The following CCSER1 variants were observed in gnomAD, a reference collection of about 807,000 sequenced individuals.
The protein encoded by CCSER1 is coiled-coil serine rich protein 1.
In CCSER1, 41 loss-of-function variants were observed where a neutral mutation model predicts 82.0. The observed-to-expected ratio is 0.50, with a 90% CI of 0.39 to 0.65. The LOEUF is 0.65. CCSER1 is among the 30% of genes least tolerant of loss of function. The probability of loss-of-function intolerance (pLI) is 0.00; values close to 1 mark genes in which losing one functional copy is unlikely to be tolerated. For synonymous variants in CCSER1, 414 were observed against 383.9 expected (o/e 1.08, Z -0.92); for missense variants, 1,119 against 1,064.2 (o/e 1.05, Z -0.72).
chr4:91,296,619 A>G (rs1391286782), intron 10 of CCSER1, among the ~76,000 whole-genome samples: 1 of 149,196 alleles, frequency 6.7e-6, no homozygotes, highest in Non-Finnish European at 1.5e-5. Context: ...ATATAGGTAT[A>G]TATAGTTGTG....
intron 10 of CCSER1, among the ~76,000 whole-genome samples, chr4:91,174,466 A>T (rs143273683): frequency 0.013 from 2,043 of 152,114 alleles, 30 homozygotes; most frequent in African/African-American, 0.037. Context: ...TTATTTTACT[A>T]TAAGTTCTGG....
At chr4:90,298,668 T>A (rs563912348) in intron 1 of CCSER1, among the ~76,000 whole-genome samples, 1 of 151,534 alleles carries the variant, frequency 6.6e-6, no homozygotes, top group Non-Finnish European at 1.5e-5. Context: ...GCTTTGAATG[T>A]GTCCCAGAGA....
chr4:91,143,500 G>A (rs745701525), intron 10 of CCSER1, among the ~76,000 whole-genome samples: 2 of 151,854 alleles, frequency 1.3e-5, no homozygotes, highest in Non-Finnish European at 2.9e-5. Flanking sequence ...CTCTAATTAG[G>A]ACTTCCAGTA....
intron 4 of CCSER1, among the ~76,000 whole-genome samples, chr4:90,443,132 A>T (rs1041211663): frequency 6.6e-6 from 1 of 152,176 alleles, no homozygotes; most frequent in African/African-American, 2.4e-5. Flanking sequence ...ACAATATAAG[A>T]TTCACTTTTA....
At chr4:91,209,232 A>G (rs1736596417) in intron 10 of CCSER1, among the ~76,000 whole-genome samples, 1 of 151,940 alleles carries the variant, frequency 6.6e-6, no homozygotes, top group Non-Finnish European at 1.5e-5. Context: ...TGCTCTGGCC[A>G]GGACTTCCAA....
intron 10 of CCSER1, among the ~76,000 whole-genome samples, chr4:91,358,070 T>G (rs535645428): frequency 6.6e-6 from 1 of 152,262 alleles, no homozygotes; most frequent in South Asian, 2.1e-4. Flanking sequence ...TTGCTATTAA[T>G]AAGACCTTGT....
intron 10 of CCSER1, among the ~76,000 whole-genome samples, chr4:91,275,197 C>T (rs544700011): frequency 6.6e-6 from 1 of 152,050 alleles, no homozygotes; most frequent in East Asian, 1.9e-4. Context: ...TATCGTTTTT[C>T]AAGAAATATT....
chr4:90,208,623 C>A (rs1015831964), intron 1 of CCSER1, among the ~76,000 whole-genome samples: 2 of 151,998 alleles, frequency 1.3e-5, no homozygotes, highest in African/African-American at 4.8e-5. Flanking sequence ...AAACCCAGGT[C>A]CCTGGTGATG....
intron 3 of CCSER1, among the ~76,000 whole-genome samples, chr4:90,318,278 A>G (rs1023096189): frequency 6.6e-6 from 1 of 152,164 alleles, no homozygotes; most frequent in African/African-American, 2.4e-5. Context: ...TCCTTGACTC[A>G]AGGAATCTTT....
intron 8 of CCSER1, among the ~76,000 whole-genome samples, chr4:90,824,562 G>A (rs559299582): frequency 6.6e-6 from 1 of 151,962 alleles, no homozygotes; most frequent in South Asian, 2.1e-4. Flanking sequence ...TGAATAAAAT[G>A]GTATGCCCTT....
At chr4:91,355,172 T>A (rs979482714) in intron 10 of CCSER1, among the ~76,000 whole-genome samples, 5 of 151,372 alleles carry the variant, frequency 3.3e-5, no homozygotes, top group Non-Finnish European at 7.4e-5. Context: ...TTGACACATC[T>A]CACATAAATA....
chr4:90,708,610 G>A (rs867834979), intron 6 of CCSER1, among the ~76,000 whole-genome samples: 2 of 152,034 alleles, frequency 1.3e-5, no homozygotes, highest in East Asian at 3.9e-4. Context: ...TAGTCACTTA[G>A]GTCAGTCTTT....
intron 3 of CCSER1, among the ~76,000 whole-genome samples, chr4:90,363,044 TAA>T (rs1475615902): frequency 1.3e-5 from 2 of 152,174 alleles, no homozygotes; most frequent in African/African-American, 2.4e-5. Flanking sequence ...TTATCAGTAT[TAA>T]GTCATTAATC....
At chr4:90,848,207 A>T (rs956249894) in intron 8 of CCSER1, among the ~76,000 whole-genome samples, 4 of 152,226 alleles carry the variant, frequency 2.6e-5, no homozygotes, top group Admixed American at 2.6e-4. Flanking sequence ...GCAATGAAGC[A>T]CATATATCAT....
chr4:90,214,772 A>G (rs1465783412), intron 1 of CCSER1, among the ~76,000 whole-genome samples: 1 of 152,202 alleles, frequency 6.6e-6, no homozygotes, highest in Non-Finnish European at 1.5e-5. Flanking sequence ...CTACTTTTAT[A>G]AATGAAGAAG....
rs535198094 is a variant in CCSER1 at position 90,838,590 on chromosome 4, A to G, written c.2094+22745A>G. Among the ~76,000 whole-genome samples the G allele has an allele frequency of 2.2e-4, 34 of 151,614 alleles. No individual in the cohort carries two copies. The South Asian group carries it at 6.3e-3, about 28-fold the overall frequency. ...AAAAATGGCACTCTGATTAAACTGC[A>G]TTACAGCCTGCAGGACACCTTGGGC... On this transcript the variant is annotated intron_variant, in intron 8 of 10. Transcript: ENST00000509176.
intron 5 of CCSER1, among the ~76,000 whole-genome samples, chr4:90,469,907 A>G (rs1764134708): frequency 6.6e-6 from 1 of 152,176 alleles, no homozygotes; most frequent in Non-Finnish European, 1.5e-5. Flanking sequence ...TATTTGTATT[A>G]TATTAGTTGA....
chr4:91,224,665 A>G (rs1738009844), intron 10 of CCSER1, among the ~76,000 whole-genome samples: 1 of 152,122 alleles, frequency 6.6e-6, no homozygotes, highest in Non-Finnish European at 1.5e-5. Context: ...TAAAGGGTCA[A>G]GTGTAAGTTT....
chr4:90,781,086 C>T (rs998042948), intron 7 of CCSER1: 9 of 179,986 alleles, frequency 5.0e-5, no homozygotes, highest in South Asian at 1.9e-4. Flanking sequence ...TACCAGATCT[C>T]ACAAGAACTC....
Sources: gnomAD v4.1 joint callset for allele counts (sites outside exome capture counted in the v4.1 genomes callset) on GRCh38, gnomAD v4.1.1 for gene constraint, MANE v1.5 for transcripts, NCBI Gene and HGNC (gene_info 2026-07-23, HGNC 2026-07-21) for gene names.